PPP1R1C: variants seen among roughly 807,000 people sequenced by gnomAD.
The protein encoded by PPP1R1C is protein phosphatase 1 regulatory inhibitor subunit 1C.
Under a neutral mutation model 17.4 loss-of-function variants are expected in PPP1R1C, and 15 were observed. The observed-to-expected ratio is 0.86, with a 90% CI of 0.58 to 1.33. The LOEUF (loss-of-function observed/expected upper bound fraction) is 1.33. Among genes scored for constraint, PPP1R1C ranks in the 40% most tolerant of loss-of-function variants. The probability of loss-of-function intolerance (pLI) is 0.00; values close to 1 mark genes in which losing one functional copy is unlikely to be tolerated. For missense variants in PPP1R1C, 143 were observed against 130.0 expected, an observed-to-expected ratio of 1.10 and a Z score of -0.48; for synonymous variants, 35 against 43.1, an observed-to-expected ratio of 0.81 and a Z score of 0.73.
At chr2:182,080,924 A>T (rs980575430) in intron 4 of PPP1R1C, among the ~76,000 whole-genome samples, 1 of 152,226 alleles carries the variant, frequency 6.6e-6, no homozygotes, top group Non-Finnish European at 1.5e-5. Flanking sequence ...TGAAATGAAA[A>T]AACTGTATGT....
At chr2:182,027,140 A>G (rs1686642500) in intron 2 of PPP1R1C, among the ~76,000 whole-genome samples, 1 of 143,558 alleles carries the variant, frequency 7.0e-6, no homozygotes, top group Non-Finnish European at 1.5e-5. Flanking sequence ...TAGATATACA[A>G]TCATGTCGTC....
Position 181,961,604 on chromosome 2 carries a change from C to T in PPP1R1C, n.111+6970C>T, listed in dbSNP as rs1226364182. ...CGTCTCAGCTCCGTGAGCGTCATCT[C>T]AGCATCTCCAACCTTGGTGGACTGC... On this transcript the variant is annotated intron_variant and non_coding_transcript_variant, in intron 1 of 5. Coordinates refer to the PPP1R1C transcript ENST00000464264. This position sits in a 1 kb window ranked among gnomAD's most constrained non-coding sequence, Gnocchi z 5.8. 1 of 740,840 alleles carries T rather than the reference C, an allele frequency of 1.3e-6. No homozygotes were observed. The allele number at this position is 740,840 out of a possible 1,614,324, so 45.9% of individuals were successfully genotyped here. A position where few individuals can be genotyped will look rare whatever the true frequency, so the allele number is the denominator to read the frequency against.
At chr2:182,008,062 C>T (rs1354996512) in intron 2 of PPP1R1C, among the ~76,000 whole-genome samples, 4 of 142,668 alleles carry the variant, frequency 2.8e-5, no homozygotes, top group Non-Finnish European at 4.5e-5. Flanking sequence ...AGCGAGACTC[C>T]GTCTCAAAAA....
At chr2:182,002,047 C>T (rs146285775) in intron 2 of PPP1R1C, among the ~76,000 whole-genome samples, 243 of 152,198 alleles carry the variant, frequency 1.6e-3, no homozygotes, top group African/African-American at 5.7e-3. Context: ...TATTAACATG[C>T]GTATCATTGT....
chr2:182,103,277 A>G (rs995276278), intron 4 of PPP1R1C, among the ~76,000 whole-genome samples: 19 of 152,372 alleles, frequency 1.2e-4, no homozygotes, highest in African/African-American at 4.1e-4. Context: ...ACAAAAAGTT[A>G]TCATTTTAAG....
chr2:182,099,866 G>A (rs750779983), intron 4 of PPP1R1C, among the ~76,000 whole-genome samples: 1 of 151,954 alleles, frequency 6.6e-6, no homozygotes, highest in South Asian at 2.1e-4. Flanking sequence ...TAATATTATC[G>A]CCTCAGGAAC....
chr2:182,050,442 A>T (rs2125187588), intron 2 of PPP1R1C, among the ~76,000 whole-genome samples: 1 of 152,218 alleles, frequency 6.6e-6, no homozygotes, highest in South Asian at 2.1e-4. Context: ...TGCTGACTTT[A>T]TTTCAGTTTG....
intron 2 of PPP1R1C, among the ~76,000 whole-genome samples, chr2:182,006,996 A>G (rs1241556648): frequency 6.6e-6 from 1 of 152,180 alleles, no homozygotes; most frequent in African/African-American, 2.4e-5. Flanking sequence ...AAAATTGCTT[A>G]TTGGTTTTTG....
chr2:182,005,689 G>A (rs1323291283), intron 2 of PPP1R1C, among the ~76,000 whole-genome samples: 2 of 152,118 alleles, frequency 1.3e-5, no homozygotes, highest in African/African-American at 2.4e-5. Flanking sequence ...TCTCAAATAC[G>A]AGCTTACTAC....
chr2:182,108,236 C>A (rs1452683375), intron 4 of PPP1R1C, among the ~76,000 whole-genome samples: 2 of 152,178 alleles, frequency 1.3e-5, no homozygotes, highest in African/African-American at 4.8e-5. Context: ...GGAAAAAATT[C>A]TATTTGACCT....
chr2:182,050,033 G>A (rs972927502), intron 2 of PPP1R1C, among the ~76,000 whole-genome samples: 4 of 152,208 alleles, frequency 2.6e-5, no homozygotes, highest in Admixed American at 2.6e-4. Context: ...AGTTCTGAAT[G>A]TCTCTGCTCT....
intron 2 of PPP1R1C, among the ~76,000 whole-genome samples, chr2:182,031,593 C>A (rs1207189419): frequency 6.6e-6 from 1 of 152,160 alleles, no homozygotes. Flanking sequence ...AAAAGCCTTG[C>A]TGTAATTACT....
At chr2:182,083,515 T>A (rs1688540762) in intron 4 of PPP1R1C, among the ~76,000 whole-genome samples, 1 of 152,202 alleles carries the variant, frequency 6.6e-6, no homozygotes, top group South Asian at 2.1e-4. Context: ...ACATATGGTA[T>A]TTGGCTTCCC....
chr2:182,024,406 A>C (rs1686527550), intron 2 of PPP1R1C, among the ~76,000 whole-genome samples: 5 of 152,210 alleles, frequency 3.3e-5, no homozygotes, highest in Admixed American at 2.0e-4. Flanking sequence ...ATTTCAGAGC[A>C]CAGTCAATTG....
chr2:182,030,487 G>A (rs1473153934), intron 2 of PPP1R1C, among the ~76,000 whole-genome samples: 6 of 150,274 alleles, frequency 4.0e-5, no homozygotes, highest in Non-Finnish European at 7.4e-5. Context: ...AGATGTCAGT[G>A]TGCCCCTGCT....
chr2:181,964,645 T>A (rs944720989), intron 1 of PPP1R1C, among the ~76,000 whole-genome samples: 1 of 152,140 alleles, frequency 6.6e-6, no homozygotes, highest in Non-Finnish European at 1.5e-5. Flanking sequence ...TATCTGTCTT[T>A]TGGAAAAAAA....
intron 2 of PPP1R1C, among the ~76,000 whole-genome samples, chr2:182,000,170 C>A (rs979549788): frequency 1.3e-5 from 2 of 152,150 alleles, no homozygotes; most frequent in African/African-American, 4.8e-5. Flanking sequence ...GTAAGTCAGT[C>A]ATTGTGATGG....
chr2:182,076,425 C>T (rs978602863), intron 4 of PPP1R1C, among the ~76,000 whole-genome samples: 42 of 151,268 alleles, frequency 2.8e-4, no homozygotes, highest in Non-Finnish European at 3.1e-4. Flanking sequence ...TCCTCTCCTA[C>T]TGTCTGTTCA....
intron 1 of PPP1R1C, among the ~76,000 whole-genome samples, chr2:181,959,634 C>G (rs1044027109): frequency 3.9e-5 from 6 of 151,928 alleles, no homozygotes; most frequent in African/African-American, 1.5e-4. Flanking sequence ...GGAAATGAGT[C>G]ATTTTAGTGT....
Sources: allele counts gnomAD v4.1 joint callset (sites outside exome capture counted in the v4.1 genomes callset), GRCh38; gene constraint gnomAD v4.1.1; non-coding constraint Gnocchi (gnomAD v3.1); transcripts MANE v1.5; gene names NCBI Gene and HGNC (gene_info 2026-07-23, HGNC 2026-07-21).